The following ATP8A2 variants were observed in gnomAD, a reference collection of about 807,000 sequenced individuals.
ATP8A2 encodes ATPase phospholipid transporting 8A2.
A neutral mutation model predicts 165.6 loss-of-function variants in ATP8A2; 100 were observed. The observed-to-expected ratio is 0.60, with a 90% CI of 0.51 to 0.71. The LOEUF (loss-of-function observed/expected upper bound fraction) is 0.71, where lower values mean the gene tolerates loss of function less well. ATP8A2 is among the 30% of genes least tolerant of loss of function. The pLI is 0.00. For synonymous variants in ATP8A2, 543 were observed against 548.8 expected, an observed-to-expected ratio of 0.99 and a Z score of 0.15; for missense variants, 1,227 against 1,479.5, an observed-to-expected ratio of 0.83 and a Z score of 2.80.
intron 1 of ATP8A2, among the ~76,000 whole-genome samples, chr13:25,392,921 AAC>A (rs2033298148): frequency 6.6e-6 from 1 of 151,376 alleles, no homozygotes; most frequent in Admixed American, 6.6e-5. Context: ...ACAAAAAAAA[AAC>A]AAAAAAGAAA....
chr13:25,587,477 T>C (rs1566304019), intron 23 of ATP8A2, among the ~76,000 whole-genome samples: 1 of 152,196 alleles, frequency 6.6e-6, no homozygotes, highest in Non-Finnish European at 1.5e-5. Context: ...TATCTTTGTG[T>C]AGCTTCAGTT....
At chr13:25,977,941 AG>A (rs1956094850) in intron 35 of ATP8A2, among the ~76,000 whole-genome samples, 1 of 152,240 alleles carries the variant, frequency 6.6e-6, no homozygotes, top group Admixed American at 6.5e-5. Flanking sequence ...CTGTATTTCC[AG>A]GATGACTTGA....
intron 25 of ATP8A2, among the ~76,000 whole-genome samples, chr13:25,704,993 G>A (rs1269506482): frequency 6.6e-6 from 1 of 152,108 alleles, no homozygotes; most frequent in Admixed American, 6.5e-5. Flanking sequence ...TTTTTCAACT[G>A]TCTTATATGT....
chr13:25,623,830 A>G (rs2041034732), intron 24 of ATP8A2, among the ~76,000 whole-genome samples: 1 of 152,064 alleles, frequency 6.6e-6, no homozygotes, highest in South Asian at 2.1e-4. Flanking sequence ...TGCATAAATT[A>G]TGCATAGATT....
chr13:25,398,616 T>C (rs1039244336), intron 1 of ATP8A2, among the ~76,000 whole-genome samples: 1 of 152,236 alleles, frequency 6.6e-6, no homozygotes, highest in Admixed American at 6.5e-5. Flanking sequence ...AGACATACAG[T>C]AGATGTTAAT....
intron 25 of ATP8A2, among the ~76,000 whole-genome samples, chr13:25,768,076 T>TGGGGGGGGGGGGGGGGGGGGGG (rs397942177): frequency 2.0e-5 from 1 of 49,326 alleles, no homozygotes. Flanking sequence ...TGTGGTGGCG[T>TGGGGGGGGGGGGGGGGGGGGGG]GGGGGGGGGG....
At chr13:25,992,675 T>G (rs1162546749) in intron 35 of ATP8A2, among the ~76,000 whole-genome samples, 1 of 99,892 alleles carries the variant, frequency 1.0e-5, no homozygotes, top group East Asian at 2.3e-4. Context: ...AAAAGTTGTA[T>G]AGTTTTTTTT....
chr13:25,460,473 A>G (rs1013889114), intron 1 of ATP8A2, among the ~76,000 whole-genome samples: 1 of 152,196 alleles, frequency 6.6e-6, no homozygotes, highest in African/African-American at 2.4e-5. Context: ...TCCAACCCAT[A>G]TGAAAAATTA....
chr13:25,419,521 T>G (rs2034236419), intron 1 of ATP8A2, among the ~76,000 whole-genome samples: 1 of 152,222 alleles, frequency 6.6e-6, no homozygotes, highest in Non-Finnish European at 1.5e-5. Flanking sequence ...ATGCTATTTT[T>G]AGGCCATTTT....
chr13:25,416,202 A>G (rs543457984), intron 1 of ATP8A2, among the ~76,000 whole-genome samples: 4 of 152,288 alleles, frequency 2.6e-5, no homozygotes, highest in Admixed American at 2.6e-4. Flanking sequence ...CCTAGATTGC[A>G]GCCTCCATGA....
chr13:25,778,233 T>C (rs17082735), intron 27 of ATP8A2, among the ~76,000 whole-genome samples: 4,200 of 152,270 alleles, frequency 0.028, 185 homozygotes, highest in African/African-American at 0.096. Flanking sequence ...CCAAATGATA[T>C]TGATCTAATT....
chr13:25,765,922 T>A (rs912148670), intron 25 of ATP8A2, among the ~76,000 whole-genome samples: 2 of 152,140 alleles, frequency 1.3e-5, no homozygotes, highest in African/African-American at 4.8e-5. Context: ...ACCCCTGCAG[T>A]GTGAAGTGGC....
chr13:25,512,030 C>A (rs1011125621), intron 2 of ATP8A2, among the ~76,000 whole-genome samples: 38 of 151,742 alleles, frequency 2.5e-4, no homozygotes, highest in Admixed American at 3.9e-4. Flanking sequence ...GAGGACCCTG[C>A]GGCCTTCCGC....
intron 33 of ATP8A2, among the ~76,000 whole-genome samples, chr13:25,936,347 G>A (rs1954889325): frequency 6.6e-6 from 1 of 152,214 alleles, no homozygotes; most frequent in Non-Finnish European, 1.5e-5. Flanking sequence ...GAAGGATTCG[G>A]GAGGCCATGG....
chr13:25,892,994 ATGT>A (rs1252389296), intron 33 of ATP8A2, among the ~76,000 whole-genome samples: 6 of 151,984 alleles, frequency 3.9e-5, no homozygotes, highest in Admixed American at 6.5e-5. Context: ...TATCAATCAA[ATGT>A]TGTTGTAGCG....
intron 27 of ATP8A2, among the ~76,000 whole-genome samples, chr13:25,793,993 G>C (rs1167633565): frequency 6.6e-6 from 1 of 152,200 alleles, no homozygotes. Flanking sequence ...GCACAGACAT[G>C]GGGGAGAAGG....
chr13:25,951,681 G>A (rs1216958092), intron 33 of ATP8A2, among the ~76,000 whole-genome samples: 1 of 152,098 alleles, frequency 6.6e-6, no homozygotes, highest in Admixed American at 6.6e-5. Flanking sequence ...CTTGTTAAGA[G>A]CATACTGGGG....
intron 1 of ATP8A2, among the ~76,000 whole-genome samples, chr13:25,382,308 T>G (rs1040264998): frequency 5.3e-5 from 8 of 152,252 alleles, no homozygotes; most frequent in Admixed American, 6.5e-5. Flanking sequence ...ATTGCCTATC[T>G]GTACCACAGT....
At chr13:25,956,445 C>T (rs1482488286) in intron 33 of ATP8A2, among the ~76,000 whole-genome samples, 1 of 152,112 alleles carries the variant, frequency 6.6e-6, no homozygotes, top group Non-Finnish European at 1.5e-5. Context: ...AATCAATGTG[C>T]AAAAATCACA....
Sources: gnomAD v4.1 joint callset for allele counts (sites outside exome capture counted in the v4.1 genomes callset) on GRCh38, gnomAD v4.1.1 for gene constraint, MANE v1.5 for transcripts, NCBI Gene and HGNC (gene_info 2026-07-23, HGNC 2026-07-21) for gene names.